TTC7B: variants seen among roughly 807,000 people sequenced by gnomAD.
TTC7B encodes the protein tetratricopeptide repeat domain 7B.
TTC7B carries 28 observed loss-of-function variants against 106.8 expected under a neutral mutation model. The ratio of observed to expected loss-of-function variants is 0.26; its 90% CI spans 0.19 to 0.36. TTC7B has a LOEUF of 0.36. Ranked by LOEUF, TTC7B falls within the 10% of genes least tolerant of loss-of-function variation. The probability of loss-of-function intolerance (pLI) is 1.00; values close to 1 mark genes in which losing one functional copy is unlikely to be tolerated. For synonymous variants in TTC7B, 405 were observed against 430.6 expected (o/e 0.94, Z 0.74); for missense variants, 862 against 1,076.4 (o/e 0.80, Z 2.79).
At chr14:90,756,550 C>A (rs900463942) in intron 3 of TTC7B, among the ~76,000 whole-genome samples, 14 of 151,956 alleles carry the variant, frequency 9.2e-5, no homozygotes, top group Non-Finnish European at 1.8e-4. Context: ...TGCGCCACCA[C>A]ACCCAGCTAA....
rs1013818069 is a variant in TTC7B at position 90,541,577 on chromosome 14, G to A, written c.2323C>T (p.His775Tyr). ...KSMQRLALIL[H>Y]QLGRYSLAEK... The stretch of plus-strand genomic sequence containing the variant: ...GCCAGACTGTAGCGGCCTAGCTGGT[G>A]AAGGATCAGGGCCTGGAGAGGTCAG... The change falls in exon 20 of 20, where the codon CAC becomes TAC. Residue 775 changes from histidine to tyrosine, a missense_variant. His to Tyr is a moderately conservative substitution (Grantham distance 83). Transcript: ENST00000328459. The A allele has an allele frequency of 1.5e-5, 24 of 1,596,616 alleles. No homozygotes were observed. Among genetic ancestry groups the A allele is most frequent in the Non-Finnish European group, 1.8e-5 (21 of 1,168,264 alleles).
intron 15 of TTC7B, among the ~76,000 whole-genome samples, chr14:90,631,017 G>A (rs1385674155): frequency 6.6e-6 from 1 of 152,066 alleles, no homozygotes; most frequent in South Asian, 2.1e-4. Flanking sequence ...TGTATTTTTA[G>A]TAGAGACGGG....
Position 90,766,883 on chromosome 14 carries a change from G to A in TTC7B, c.445+13855C>T, listed in dbSNP as rs200662832. 3,570 of 1,593,712 alleles carry A rather than the reference G, an allele frequency of 2.2e-3. 6 individuals carry two copies. Among genetic ancestry groups the A allele is most frequent in the Non-Finnish European group, 2.7e-3 (3,147 of 1,166,984 alleles). On this transcript the variant is annotated intron_variant, in intron 3 of 19. Coordinates refer to ENST00000328459, the MANE Select transcript of TTC7B (RefSeq NM_001010854.2). The stretch of plus-strand genomic sequence containing the variant: ...GACCTGGAGCGACTGAAGAAGATTC[G>A]GGCCCATAGAGGGCTGTGCCACTCC...
At chr14:90,660,696 G>T (rs1886167865) in intron 9 of TTC7B, among the ~76,000 whole-genome samples, 1 of 152,190 alleles carries the variant, frequency 6.6e-6, no homozygotes, top group Admixed American at 6.5e-5. Context: ...TGACAAATGG[G>T]TAAAGGTAAA....
At chr14:90,603,935 A>G (rs1892534400) in intron 17 of TTC7B, among the ~76,000 whole-genome samples, 1 of 152,246 alleles carries the variant, frequency 6.6e-6, no homozygotes, top group African/African-American at 2.4e-5. Context: ...GAGGATGGAA[A>G]GATGACTTCA....
intron 5 of TTC7B, among the ~76,000 whole-genome samples, chr14:90,729,754 C>T (rs1480049845): frequency 2.0e-5 from 3 of 152,062 alleles, no homozygotes; most frequent in Non-Finnish European, 4.4e-5. Flanking sequence ...ATGGGGAGGC[C>T]GATGCAGAGC....
chr14:90,746,281 CTCTT>C (rs1566867896), intron 3 of TTC7B, among the ~76,000 whole-genome samples: 1 of 152,132 alleles, frequency 6.6e-6, no homozygotes, highest in Non-Finnish European at 1.5e-5. Flanking sequence ...TTCAGATTGT[CTCTT>C]TCTTCTTGAG....
chr14:90,560,808 C>T (rs544980952), intron 19 of TTC7B, among the ~76,000 whole-genome samples: 1 of 152,196 alleles, frequency 6.6e-6, no homozygotes, highest in African/African-American at 2.4e-5. Flanking sequence ...CTGGTGGGGG[C>T]TGCTGGCGGC....
chr14:90,643,794 G>A (rs1459136978), intron 15 of TTC7B, among the ~76,000 whole-genome samples: 3 of 152,030 alleles, frequency 2.0e-5, no homozygotes, highest in Admixed American at 6.5e-5. Flanking sequence ...TATTGTCCAG[G>A]CTGGTCTCAA....
At chr14:90,746,381 T>A (rs566665867) in intron 3 of TTC7B, among the ~76,000 whole-genome samples, 1 of 152,336 alleles carries the variant, frequency 6.6e-6, no homozygotes, top group African/African-American at 2.4e-5. Flanking sequence ...GTCCATAATA[T>A]TCTATAATCC....
At chr14:90,678,959 C>T (rs1412586675) in intron 8 of TTC7B, among the ~76,000 whole-genome samples, 2 of 152,168 alleles carry the variant, frequency 1.3e-5, no homozygotes, top group Admixed American at 1.3e-4. Context: ...GAACTACCTG[C>T]CAAGGACCCA....
In TTC7B at chr14:90,647,007, G is replaced by T; in HGVS notation, c.1534C>A (p.Pro512Thr). The T allele has an allele frequency of 6.2e-7, 1 of 1,614,174 alleles. No individual in the cohort carries two copies. The highest frequency in any genetic ancestry group is 1.7e-4 in the Middle Eastern group (1 of 6,058). Residue 512 changes from proline to threonine, a missense_variant, in exon 14 of 20, where the codon CCC (proline) becomes ACC (threonine). Physicochemically the swap from Pro to Thr is conservative, Grantham distance 38. Coordinates refer to ENST00000328459, the MANE Select transcript of TTC7B (RefSeq NM_001010854.2). ...LAFQRAHSLS[P>T]TDHQAAFYLA... Reference sequence around the variant, plus strand: ...TAGAAAGCTGCTTGGTGATCTGTGGGTGACAGGCTGTGGGCCCTGAAAAAG... The same window carrying T: ...TAGAAAGCTGCTTGGTGATCTGTGGTTGACAGGCTGTGGGCCCTGAAAAAG...
chr14:90,762,188 G>A (rs1040514684), intron 3 of TTC7B, among the ~76,000 whole-genome samples: 2 of 152,198 alleles, frequency 1.3e-5, no homozygotes, highest in Non-Finnish European at 2.9e-5. Context: ...AAACTACAGA[G>A]AAAGGTTTCA....
At chr14:90,713,024 G>C (rs1888508544) in intron 5 of TTC7B, among the ~76,000 whole-genome samples, 1 of 152,084 alleles carries the variant, frequency 6.6e-6, no homozygotes, top group East Asian at 1.9e-4. Flanking sequence ...AACGTGAAAA[G>C]AACAGACTTT....
At chr14:90,568,266 A>G (rs577035394) in intron 19 of TTC7B, among the ~76,000 whole-genome samples, 1 of 152,328 alleles carries the variant, frequency 6.6e-6, no homozygotes, top group African/African-American at 2.4e-5. Flanking sequence ...AGAACAACCC[A>G]CAGAAGTGAA....
At chr14:90,557,522 G>A (rs956944878) in intron 19 of TTC7B, among the ~76,000 whole-genome samples, 10 of 152,246 alleles carry the variant, frequency 6.6e-5, no homozygotes, top group African/African-American at 1.9e-4. Flanking sequence ...TCCTTAGTGT[G>A]TATCTGTTCT....
intron 7 of TTC7B, among the ~76,000 whole-genome samples, chr14:90,684,676 A>G (rs1386829459): frequency 6.6e-6 from 1 of 152,180 alleles, no homozygotes; most frequent in Non-Finnish European, 1.5e-5. Context: ...AAGGGGCCAG[A>G]CTAATTATTG....
intron 5 of TTC7B, among the ~76,000 whole-genome samples, chr14:90,700,870 A>G (rs911285054): frequency 1.3e-5 from 2 of 151,722 alleles, no homozygotes; most frequent in Non-Finnish European, 2.9e-5. Flanking sequence ...GGCTGAAATC[A>G]AAACCAGATA....
chr14:90,576,618 T>C (rs1891270459), intron 19 of TTC7B, among the ~76,000 whole-genome samples: 1 of 152,186 alleles, frequency 6.6e-6, no homozygotes, highest in Non-Finnish European at 1.5e-5. Flanking sequence ...CCAATTCACC[T>C]AAACACAACA....
Sources: gnomAD v4.1 joint callset for allele counts (sites outside exome capture counted in the v4.1 genomes callset) on GRCh38, gnomAD v4.1.1 for gene constraint, MANE v1.5 for transcripts, NCBI Gene and HGNC (gene_info 2026-07-23, HGNC 2026-07-21) for gene names.